The following RFTN1 variants were observed in gnomAD, a reference collection of about 807,000 sequenced individuals.
RFTN1 encodes the protein raftlin, lipid raft linker 1.
Under a neutral mutation model 46.5 loss-of-function variants are expected in RFTN1, and 26 were observed. The observed-to-expected ratio is 0.56, with a 90% confidence interval of 0.41 to 0.78. RFTN1 has a LOEUF of 0.78. Among genes scored for constraint, RFTN1 ranks in the 30% least tolerant of loss-of-function variants. The pLI is 0.00. For synonymous variants in RFTN1, 261 were observed against 284.2 expected (o/e 0.92, Z 0.82); for missense variants, 693 against 718.7 (o/e 0.96, Z 0.41).
intron 4 of RFTN1, among the ~76,000 whole-genome samples, chr3:16,406,620 C>T (rs2125442650): frequency 6.6e-6 from 1 of 152,262 alleles, no homozygotes; most frequent in African/African-American, 2.4e-5. Context: ...GCTTTAAAGC[C>T]TATTATTTTC....
At chr3:16,478,566 T>C (rs1191263949) in intron 2 of RFTN1, among the ~76,000 whole-genome samples, 1 of 152,220 alleles carries the variant, frequency 6.6e-6, no homozygotes, top group African/African-American at 2.4e-5. Flanking sequence ...ACAACATTTA[T>C]TTTCTCACAG....
chr3:16,505,833 C>T (rs1407164820), intron 1 of RFTN1, among the ~76,000 whole-genome samples: 1 of 152,182 alleles, frequency 6.6e-6, no homozygotes, highest in East Asian at 1.9e-4. Flanking sequence ...CATCACACTC[C>T]TTCAAGGCTG....
intron 2 of RFTN1, among the ~76,000 whole-genome samples, chr3:16,477,317 C>A (rs1377394607): frequency 1.3e-5 from 2 of 152,136 alleles, no homozygotes; most frequent in Non-Finnish European, 2.9e-5. Context: ...CTTGAATTCC[C>A]AGCAGGAAAG....
At chr3:16,378,846 C>T (rs1176954171) in intron 4 of RFTN1, among the ~76,000 whole-genome samples, 5 of 152,296 alleles carry the variant, frequency 3.3e-5, no homozygotes, top group South Asian at 4.1e-4. Context: ...CCTGTACCAA[C>T]GGGATGGGGG....
chr3:16,370,210 G>A lies in RFTN1; in HGVS notation c.896C>T (p.Thr299Ile), dbSNP rs758013271. The A allele has an allele frequency of 6.2e-7, 1 of 1,614,214 alleles. No individual in the cohort carries two copies. Among genetic ancestry groups the A allele is most frequent in the Non-Finnish European group, 8.5e-7 (1 of 1,180,032 alleles). Residue 299 changes from threonine (T) to isoleucine (I), a missense_variant, in exon 6 of 10, where the codon ACC (threonine) becomes ATC (isoleucine). By Grantham distance (89) the Thr-to-Ile change is moderately conservative. Transcript: ENST00000334133. This position sits in a 1 kb window ranked among gnomAD's most constrained non-coding sequence, Gnocchi z 5.5. ...HQKCRQYYPV[T>I]IPLHVSKNGQ... ...ATTCTTGGAGACATGGAGAGGAATG[G>A]TGACAGGGTAGTATTGCCGGCACTT...
rs1329851733 is a variant in RFTN1, at chr3:16,382,408, T to C, written c.442-4306A>G. Reference sequence around the variant, plus strand: ...TGGCTAAAGTAAATCCTGCTTCTCATTCTTGCATTTATAACCTTTACTGAG... The same window carrying C: ...TGGCTAAAGTAAATCCTGCTTCTCACTCTTGCATTTATAACCTTTACTGAG... On this transcript the variant is annotated intron_variant, in intron 4 of 9. Coordinates refer to ENST00000334133, the MANE Select transcript of RFTN1 (RefSeq NM_015150.2). The surrounding 1 kb of genome is among the most constrained non-coding windows in gnomAD (Gnocchi z 4.7). Among the ~76,000 whole-genome samples, 3 of 152,198 alleles carry C rather than the reference T, an allele frequency of 2.0e-5. No homozygotes were observed. Among genetic ancestry groups the C allele is most frequent in the South Asian group, 2.1e-4 (1 of 4,824 alleles).
rs1253292442 is a variant in RFTN1, at chr3:16,344,081, A to G, written c.1146+13851T>C. ...CAGAGCACTTGGAGGGAAGCAGTAGAGACATTCTTGGCCTGTATTAACTCT... is the reference window on the plus strand; with the variant it reads ...CAGAGCACTTGGAGGGAAGCAGTAGGGACATTCTTGGCCTGTATTAACTCT... On this transcript the variant is annotated intron_variant, in intron 7 of 9. Coordinates refer to ENST00000334133, the MANE Select transcript of RFTN1 (RefSeq NM_015150.2). The surrounding 1 kb of genome is among the most constrained non-coding windows in gnomAD (Gnocchi z 4.4). Among the ~76,000 whole-genome samples, 1 of 152,210 alleles carries G rather than the reference A, an allele frequency of 6.6e-6. No individual in the cohort carries two copies. The highest frequency in any genetic ancestry group is 2.4e-5 in the African/African-American group (1 of 41,446).
chr3:16,361,936 C>A lies in RFTN1; in HGVS notation c.1031-3889G>T, dbSNP rs1482960222. On this transcript the variant is annotated intron_variant, in intron 6 of 9. Coordinates refer to ENST00000334133, the MANE Select transcript of RFTN1 (RefSeq NM_015150.2). The surrounding 1 kb of genome is among the most constrained non-coding windows in gnomAD (Gnocchi z 4.3). ...CCAGTTCTGCCTCAACAGAGCTGCT[C>A]CAGCCAACCCCAAAATCTGCCAGAG... 6.6e-6 allele frequency among the ~76,000 whole-genome samples: 1 copy of A among 152,202 alleles called. No homozygotes were observed. Among genetic ancestry groups the A allele is most frequent in the Non-Finnish European group, 1.5e-5 (1 of 68,030 alleles).
At chr3:16,323,523 T>A in intron 8 of RFTN1, 66 bp from the exon 9 acceptor site, 1 of 1,141,696 alleles carries the variant, frequency 8.8e-7, no homozygotes, top group Non-Finnish European at 1.3e-6. Flanking sequence ...CTGACACAGA[T>A]GTTGCCATCC....
rs924666392 is a variant in RFTN1 at position 16,407,230 on chromosome 3, T to G, written c.441+2145A>C. On this transcript the variant is annotated intron_variant, in intron 4 of 9. Coordinates refer to ENST00000334133, the MANE Select transcript of RFTN1 (RefSeq NM_015150.2). This position sits in a 1 kb window ranked among gnomAD's most constrained non-coding sequence, Gnocchi z 4.0. ...CTGGGTCTCACTCTGTCAGCCAGGC[T>G]GGAGTGCAGTGGTGCAATCATAGCT... 6.6e-6 allele frequency among the ~76,000 whole-genome samples: 1 copy of G among 152,250 alleles called. No individual in the cohort carries two copies. The highest frequency in any genetic ancestry group is 6.5e-5 in the Admixed American group (1 of 15,276).
rs530955613 is a variant in RFTN1 at position 16,468,382 on chromosome 3, C to T, written c.145+25343G>A. 2.6e-5 allele frequency among the ~76,000 whole-genome samples: 4 copies of T among 152,174 alleles called. No individual in the cohort carries two copies. In the South Asian group the frequency reaches 8.3e-4, roughly 32 times the overall value. On this transcript the variant is annotated intron_variant, in intron 2 of 9. Coordinates refer to ENST00000334133, the MANE Select transcript of RFTN1 (RefSeq NM_015150.2). This position sits in a 1 kb window ranked among gnomAD's most constrained non-coding sequence, Gnocchi z 4.4. ...CTCCCTTAGATGCTGTCTGCCTATACCCCATGACTGTCAAAAATGTCCCCA... is the reference window on the plus strand; with the variant it reads ...CTCCCTTAGATGCTGTCTGCCTATATCCCATGACTGTCAAAAATGTCCCCA...
rs920980600 is a variant in RFTN1, at chr3:16,352,020, CACTCA to C, written c.1146+5907_1146+5911del. Among the ~76,000 whole-genome samples, 5 of 152,234 alleles carry C rather than the reference CACTCA, an allele frequency of 3.3e-5. No individual in the cohort carries two copies. Among genetic ancestry groups the C allele is most frequent in the Admixed American group, 1.3e-4 (2 of 15,284 alleles). ...TGAGGCAGAACTCTACTTCAGCAGACACTCAACTCAAAAAGACTGGCAAATGGACA... is the reference window on the plus strand; with the variant it reads ...TGAGGCAGAACTCTACTTCAGCAGACACTCAAAAAGACTGGCAAATGGACA... On this transcript the variant is annotated intron_variant, in intron 7 of 9. Coordinates refer to ENST00000334133, the MANE Select transcript of RFTN1 (RefSeq NM_015150.2). This position sits in a 1 kb window ranked among gnomAD's most constrained non-coding sequence, Gnocchi z 4.6.
Position 16,498,884 on chromosome 3 carries a change from CT to C in RFTN1, c.-8-5008del, listed in dbSNP as rs1351085572. ...GCTTATAAAAAGTAGGAAAAATCAG[CT>C]GTAACAGTGACTTGCACACTATTGT... is the stretch of plus-strand genomic sequence containing the variant. On this transcript the variant is annotated intron_variant, in intron 1 of 9. Coordinates refer to ENST00000334133, the MANE Select transcript of RFTN1 (RefSeq NM_015150.2). This position sits in a 1 kb window ranked among gnomAD's most constrained non-coding sequence, Gnocchi z 5.2. 6.6e-6 allele frequency among the ~76,000 whole-genome samples: 1 copy of C among 152,198 alleles called. No homozygotes were observed. Among genetic ancestry groups the C allele is most frequent in the Non-Finnish European group, 1.5e-5 (1 of 68,028 alleles).
At chr3:16,318,694 T>C (rs752567586) in intron 9 of RFTN1, among the ~76,000 whole-genome samples, 4 of 152,188 alleles carry the variant, frequency 2.6e-5, no homozygotes, top group Non-Finnish European at 2.9e-5. Flanking sequence ...GTGAAATACA[T>C]GTTGAGGTTA....
intron 6 of RFTN1, among the ~76,000 whole-genome samples, chr3:16,358,746 GA>G (rs1207927774): frequency 6.6e-6 from 1 of 152,030 alleles, no homozygotes. Flanking sequence ...AAGAAATATA[GA>G]ACAGGCCAGG....
intron 1 of RFTN1, among the ~76,000 whole-genome samples, chr3:16,505,101 C>G (rs1383659039): frequency 6.6e-6 from 1 of 152,192 alleles, no homozygotes; most frequent in Non-Finnish European, 1.5e-5. Context: ...TCTGCCTCCC[C>G]CTCATCCATC....
At chr3:16,391,557 C>A (rs557126198) in intron 4 of RFTN1, among the ~76,000 whole-genome samples, 62 of 152,110 alleles carry the variant, frequency 4.1e-4, no homozygotes, top group African/African-American at 1.3e-3. Context: ...AAATAATAGC[C>A]CTTATATTGA....
rs1423125844 is a variant in RFTN1 at position 16,457,305 on chromosome 3, G to T, written c.146-23268C>A. 6.6e-6 allele frequency among the ~76,000 whole-genome samples: 1 copy of T among 152,198 alleles called. No homozygotes were observed. The highest frequency in any genetic ancestry group is 1.5e-5 in the Non-Finnish European group (1 of 68,038). ...CCCAGGCTCTGGATTTAGACTTCCT[G>T]GGTTCAAATCCTGGCTTGGCCTCTT... is the stretch of plus-strand genomic sequence containing the variant. On this transcript the variant is annotated intron_variant, in intron 2 of 9. Coordinates refer to ENST00000334133, the MANE Select transcript of RFTN1 (RefSeq NM_015150.2). The surrounding 1 kb of genome is among the most constrained non-coding windows in gnomAD (Gnocchi z 4.2).
At chr3:16,467,110 G>T (rs935284300) in intron 2 of RFTN1, among the ~76,000 whole-genome samples, 23 of 152,170 alleles carry the variant, frequency 1.5e-4, no homozygotes, top group African/African-American at 5.3e-4. Flanking sequence ...TGAGGGTTTT[G>T]GGTAGAAGGA....
Sources: allele counts gnomAD v4.1 joint callset (sites outside exome capture counted in the v4.1 genomes callset), GRCh38; gene constraint gnomAD v4.1.1; non-coding constraint Gnocchi (gnomAD v3.1); transcripts MANE v1.5; gene names NCBI Gene and HGNC (gene_info 2026-07-23, HGNC 2026-07-21).